Variants in RIMS2 observed in about 807,000 individuals in gnomAD.
The protein encoded by RIMS2 is regulating synaptic membrane exocytosis 2.
In RIMS2, 59 loss-of-function variants were observed where a neutral mutation model predicts 174.4. That is an observed-to-expected ratio of 0.34 (90% CI 0.27 to 0.42). RIMS2 has a LOEUF of 0.42. Ranked by LOEUF, RIMS2 falls within the 10% of genes least tolerant of loss-of-function variation. The pLI is 1.00. For synonymous variants in RIMS2, 606 were observed against 572.5 expected (o/e 1.06, Z -0.84); for missense variants, 1,620 against 1,666.3 (o/e 0.97, Z 0.48).
intron 19 of RIMS2, chr8:104,223,675 T>TG: frequency 6.3e-7 from 1 of 1,589,340 alleles, no homozygotes; most frequent in African/African-American, 1.3e-5. Context: ...GCTTGGGGGG[T>TG]GCCAGCGCTG....
At position 103,632,629 on chromosome 8, in the gene RIMS2, C is replaced by A. The variant is rs113742637; in HGVS notation, c.177-64457C>A. Among the ~76,000 whole-genome samples the A allele has an allele frequency of 5.0e-3, 761 of 151,310 alleles. 8 individuals are homozygous for A. Among genetic ancestry groups the A allele is most frequent in the African/African-American group, 0.018 (721 of 41,132 alleles). On this transcript the variant is annotated intron_variant, in intron 1 of 23. Coordinates refer to ENST00000504942, the Ensembl canonical transcript of RIMS2. Reference sequence around the variant, plus strand: ...AGAGACAGGTTTTTACTATGTTGGCCAGGCTGGTCTGGAACTCCTGACCTC... The same window carrying A: ...AGAGACAGGTTTTTACTATGTTGGCAAGGCTGGTCTGGAACTCCTGACCTC...
chr8:104,120,862 C>T (rs1233264011), intron 19 of RIMS2, among the ~76,000 whole-genome samples: 1 of 152,044 alleles, frequency 6.6e-6, no homozygotes, highest in Non-Finnish European at 1.5e-5. Flanking sequence ...CTAAAAGATC[C>T]AGTTCTTTCC....
chr8:104,085,927 G>T (rs908596198), intron 19 of RIMS2, among the ~76,000 whole-genome samples: 19 of 152,138 alleles, frequency 1.2e-4, no homozygotes, highest in African/African-American at 4.6e-4. Flanking sequence ...TGGAAATACA[G>T]ATCTGAAGCT....
intron 19 of RIMS2, among the ~76,000 whole-genome samples, chr8:104,037,873 A>T (rs2096546179): frequency 6.6e-6 from 1 of 152,104 alleles, no homozygotes; most frequent in South Asian, 2.1e-4. Flanking sequence ...GGATGCATAT[A>T]TGACAGTGGT....
At chr8:104,076,121 C>G (rs2097286723) in intron 19 of RIMS2, among the ~76,000 whole-genome samples, 1 of 152,124 alleles carries the variant, frequency 6.6e-6, no homozygotes, top group African/African-American at 2.4e-5. Context: ...ATAAGAGCAG[C>G]ATTATATAAT....
intron 2 of RIMS2, among the ~76,000 whole-genome samples, chr8:103,729,613 GT>G (rs888047067): frequency 3.3e-5 from 5 of 151,410 alleles, no homozygotes; most frequent in Non-Finnish European, 7.4e-5. Context: ...TTTGGGTTTG[GT>G]TTTCTAGTTC....
At chr8:103,607,305 T>C (rs1483428101) in intron 1 of RIMS2, among the ~76,000 whole-genome samples, 1 of 152,158 alleles carries the variant, frequency 6.6e-6, no homozygotes, top group South Asian at 2.1e-4. Flanking sequence ...AAAATTCTTT[T>C]CTTTAAGAAT....
intron 1 of RIMS2, among the ~76,000 whole-genome samples, chr8:103,583,299 C>A (rs1016981912): frequency 6.6e-6 from 1 of 152,086 alleles, no homozygotes; most frequent in Non-Finnish European, 1.5e-5. Flanking sequence ...TCTGGAAAGC[C>A]TTCCAAAGAA....
intron 19 of RIMS2, among the ~76,000 whole-genome samples, chr8:104,128,786 A>G (rs1026091729): frequency 4.6e-5 from 7 of 152,302 alleles, no homozygotes; most frequent in Admixed American, 4.6e-4. Flanking sequence ...CATTTCATTA[A>G]ATTTTTGTTT....
intron 1 of RIMS2, among the ~76,000 whole-genome samples, chr8:103,504,056 G>A (rs1349027753): frequency 2.6e-5 from 4 of 152,040 alleles, no homozygotes; most frequent in Admixed American, 1.3e-4. Context: ...AAAAATCTCA[G>A]TAGAACCCTA....
intron 1 of RIMS2, among the ~76,000 whole-genome samples, chr8:103,694,807 A>T (rs1030928704): frequency 6.6e-6 from 1 of 152,320 alleles, no homozygotes; most frequent in African/African-American, 2.4e-5. Flanking sequence ...GCCTGAGGTC[A>T]GGGAAGCCAG....
chr8:103,610,922 G>A (rs927198898), intron 1 of RIMS2, among the ~76,000 whole-genome samples: 3 of 152,242 alleles, frequency 2.0e-5, no homozygotes, highest in Non-Finnish European at 4.4e-5. Flanking sequence ...CTATACATCT[G>A]GTAGAATTCA....
chr8:104,079,276 A>G (rs2097360523), intron 19 of RIMS2, among the ~76,000 whole-genome samples: 1 of 152,066 alleles, frequency 6.6e-6, no homozygotes, highest in Non-Finnish European at 1.5e-5. Context: ...ATCTGTGGAG[A>G]ATAGCTGCCA....
chr8:103,766,259 A>G (rs1276252081), exon 3 of RIMS2: 4 of 1,613,254 alleles, frequency 2.5e-6, no homozygotes, highest in East Asian at 2.2e-5. Flanking sequence ...GCCGAAAACA[A>G]CAAGAAATCC....
At chr8:103,576,628 G>C (rs774450416) in intron 1 of RIMS2, among the ~76,000 whole-genome samples, 1 of 152,110 alleles carries the variant, frequency 6.6e-6, no homozygotes, top group East Asian at 1.9e-4. Flanking sequence ...ACAATCCTAA[G>C]TAAAAAGAAC....
intron 3 of RIMS2, among the ~76,000 whole-genome samples, chr8:103,849,769 T>C (rs1348335667): frequency 6.6e-6 from 1 of 151,992 alleles, no homozygotes; most frequent in Non-Finnish European, 1.5e-5. Context: ...GTAAAGGGTA[T>C]CTGTAAAGGA....
chr8:103,642,034 C>A (rs932847698), intron 1 of RIMS2, among the ~76,000 whole-genome samples: 3 of 152,094 alleles, frequency 2.0e-5, no homozygotes, highest in Non-Finnish European at 4.4e-5. Context: ...CATATTTAGA[C>A]CATTCACGTT....
intron 19 of RIMS2, among the ~76,000 whole-genome samples, chr8:104,188,700 A>G (rs1323859732): frequency 6.6e-6 from 1 of 151,942 alleles, no homozygotes; most frequent in Non-Finnish European, 1.5e-5. Flanking sequence ...ATAGAGTATG[A>G]TTCATTTTTA....
intron 1 of RIMS2, among the ~76,000 whole-genome samples, chr8:103,681,363 G>A (rs75325375): frequency 0.012 from 1,768 of 152,112 alleles, 32 homozygotes; most frequent in African/African-American, 0.039. Context: ...ATGGAAATAA[G>A]TAAATGGCAC....
Sources: allele counts gnomAD v4.1 joint callset (sites outside exome capture counted in the v4.1 genomes callset), GRCh38; gene constraint gnomAD v4.1.1; transcripts MANE v1.5; gene names NCBI Gene and HGNC (gene_info 2026-07-23, HGNC 2026-07-21).